The following PLIN2 variants were observed in gnomAD, a reference collection of about 807,000 sequenced individuals.
PLIN2 encodes the protein perilipin-2.
In PLIN2, 33 loss-of-function variants were observed where a neutral mutation model predicts 30.6. The observed-to-expected ratio is 1.08, with a 90% CI of 0.82 to 1.44. The LOEUF is 1.44. Ranked by LOEUF, PLIN2 falls within the 40% of genes most tolerant of loss-of-function variation. PLIN2 has a pLI of 0.00. For missense variants in PLIN2, 610 were observed against 531.8 expected (o/e 1.15, Z -1.45); for synonymous variants, 205 against 201.1 (o/e 1.02, Z -0.16).
At chr9:19,121,580 C>T (rs1257959996) in intron 4 of PLIN2, among the ~76,000 whole-genome samples, 2 of 151,388 alleles carry the variant, frequency 1.3e-5, no homozygotes, top group African/African-American at 4.9e-5. Flanking sequence ...TCACACAAAT[C>T]CAGAGAGGAA....
intron 1 of PLIN2, among the ~76,000 whole-genome samples, chr9:19,126,908 G>A (rs1289851833): frequency 2.6e-5 from 4 of 152,102 alleles, no homozygotes; most frequent in African/African-American, 7.2e-5. Flanking sequence ...CGGGCGTGGT[G>A]GCGGGCGCCT....
chr9:19,118,328 C>G lies in PLIN2; in HGVS notation c.905G>C (p.Cys302Ser). The G allele has an allele frequency of 1.9e-6, 3 of 1,611,688 alleles. No individual in the cohort carries two copies. The highest frequency in any genetic ancestry group is 2.5e-6 in the Non-Finnish European group (3 of 1,179,158). The change falls in exon 7 of 8, where the codon TGT becomes TCT. Residue 302 changes from cysteine to serine, a missense_variant. By Grantham distance (112) the Cys-to-Ser change is moderately radical. Transcript: ENST00000276914. ...IGYDDTDESHCAEHIESRTLA... is the reference protein window; with the variant it reads ...IGYDDTDESHSAEHIESRTLA... ...CCGTCCCAGTCATCTTACCTCAGCA[C>G]AGTGGGACTCATCAGTATCATCATA...
intron 3 of PLIN2, among the ~76,000 whole-genome samples, chr9:19,124,394 C>G (rs142325433): frequency 9.5e-4 from 144 of 152,184 alleles, no homozygotes; most frequent in Non-Finnish European, 1.6e-3. Flanking sequence ...AAGAGTATGC[C>G]AAGACCACCC....
At chr9:19,126,545 C>G in intron 1 of PLIN2, 97 bp from the exon 2 acceptor site, 1 of 790,968 alleles carries the variant, frequency 1.3e-6, no homozygotes, top group Non-Finnish European at 2.1e-6. Context: ...GAGAAAAATG[C>G]AGGGTGAGCT....
chr9:19,111,433 C>A (rs1227755553), downstream of PLIN2, among the ~76,000 whole-genome samples: 1 of 152,164 alleles, frequency 6.6e-6, no homozygotes, highest in African/African-American at 2.4e-5. Context: ...CCTCTCACCA[C>A]CAATTAAGAG....
intron 3 of PLIN2, chr9:19,125,906 G>A: frequency 2.1e-6 from 1 of 484,434 alleles, no homozygotes; most frequent in Non-Finnish European, 3.7e-6. Context: ...CTGAGTGATA[G>A]AGTGAGACTC....
At position 19,120,458 on chromosome 9, in the gene PLIN2, G is replaced by A. The variant is rs560285998; in HGVS notation, c.595+422C>T. Among the ~76,000 whole-genome samples the A allele has an allele frequency of 5.3e-5, 8 of 152,240 alleles. No homozygotes were observed. The South Asian group carries it at 1.7e-3, about 32-fold the overall frequency. On this transcript the variant is annotated intron_variant, in intron 5 of 7. Coordinates refer to ENST00000276914, the MANE Select transcript of PLIN2 (RefSeq NM_001122.4). ...ATCCATTAAAGACTATCCATTTACA[G>A]AAAATATTTTTCAAGGCCAATTTTT...
At chr9:19,120,151 C>T (rs1007764848) in intron 5 of PLIN2, among the ~76,000 whole-genome samples, 3 of 151,950 alleles carry the variant, frequency 2.0e-5, no homozygotes, top group African/African-American at 4.8e-5. Flanking sequence ...CTCAACCTCC[C>T]GAGCTCAACT....
chr9:19,118,905 CTG>C (rs1472312790), intron 6 of PLIN2, among the ~76,000 whole-genome samples: 2 of 152,160 alleles, frequency 1.3e-5, no homozygotes, highest in Admixed American at 1.3e-4. Flanking sequence ...GTTGGCCAGA[CTG>C]GTCTCGAACT....
chr9:19,110,226 C>T (rs528213565), intron 2 of PLIN2, among the ~76,000 whole-genome samples: 1 of 151,868 alleles, frequency 6.6e-6, no homozygotes, highest in Non-Finnish European at 1.5e-5. Flanking sequence ...TGGGGTTTCA[C>T]CATGTTGGCC....
At chr9:19,120,566 G>C (rs1486768810) in intron 5 of PLIN2, among the ~76,000 whole-genome samples, 2 of 152,132 alleles carry the variant, frequency 1.3e-5, no homozygotes, top group Non-Finnish European at 2.9e-5. Context: ...GAGGCAAAAA[G>C]ATTAGTGGTT....
chr9:19,126,371 A>G, intron 2 of PLIN2, 26 bp downstream of exon 2: 1 of 1,613,940 alleles, frequency 6.2e-7, no homozygotes, highest in Non-Finnish European at 8.5e-7. Context: ...GAGAGAAAGT[A>G]GACAAAGGCT....
At chr9:19,116,770 C>T in intron 7 of PLIN2, 121 bp from the exon 8 acceptor site, 4 of 740,748 alleles carry the variant, frequency 5.4e-6, no homozygotes, top group Non-Finnish European at 8.9e-6. Flanking sequence ...TAAAAATCCT[C>T]ATTACAATGC....
At chr9:19,113,550 A>G (rs1407898567), downstream of PLIN2, among the ~76,000 whole-genome samples, 1 of 151,484 alleles carries the variant, frequency 6.6e-6, no homozygotes, top group Non-Finnish European at 1.5e-5. Context: ...AGTTACAATG[A>G]GAAGAAAAAA....
Position 19,116,207 on chromosome 9 carries a change from C to G in PLIN2, c.*41G>C, listed in dbSNP as rs1818218548. 1 of 1,511,550 alleles carries G rather than the reference C, an allele frequency of 6.6e-7. No individual in the cohort carries two copies. 93.6% of individuals were successfully genotyped at this position (1,511,550 alleles called of 1,614,324 possible). A position where few individuals can be genotyped will look rare whatever the true frequency, so the allele number is the denominator to read the frequency against. Reference sequence around the variant, plus strand: ...TTAATTTCAACATAACAAAAGGTGTCATCTGTCTGGCCACAGCATGCACTA... The same window carrying G: ...TTAATTTCAACATAACAAAAGGTGTGATCTGTCTGGCCACAGCATGCACTA... On this transcript the variant is annotated 3_prime_UTR_variant, in exon 8 of 8. Coordinates refer to ENST00000276914, the MANE Select transcript of PLIN2 (RefSeq NM_001122.4).
intron 7 of PLIN2, 61 bp from the exon 8 acceptor site, chr9:19,116,710 T>G (rs886422592): frequency 6.9e-7 from 1 of 1,440,452 alleles, no homozygotes; most frequent in Admixed American, 1.8e-5. Context: ...ATTAGTTCGA[T>G]GACAGTAGGC....
chr9:19,112,917 G>C (rs1818176025), downstream of PLIN2, among the ~76,000 whole-genome samples: 1 of 151,832 alleles, frequency 6.6e-6, no homozygotes, highest in Non-Finnish European at 1.5e-5. Context: ...AGGAAGAAGA[G>C]CTTTGAGACC....
intron 4 of PLIN2, among the ~76,000 whole-genome samples, chr9:19,122,543 GGC>G (rs1818335497): frequency 1.4e-5 from 1 of 70,804 alleles, no homozygotes; most frequent in Admixed American, 1.4e-4. Flanking sequence ...GTATATAGCA[GGC>G]TATACACCAT....
chr9:19,119,539 G>T, intron 6 of PLIN2, 111 bp downstream of exon 6: 2 of 648,214 alleles, frequency 3.1e-6, no homozygotes, highest in Non-Finnish European at 5.3e-6. Flanking sequence ...TTTTCTATTG[G>T]GTTGTTTGTC....
Sources: gnomAD v4.1 joint callset for allele counts (sites outside exome capture counted in the v4.1 genomes callset) on GRCh38, gnomAD v4.1.1 for gene constraint, MANE v1.5 for transcripts, NCBI Gene and HGNC (gene_info 2026-07-23, HGNC 2026-07-21) for gene names.